Variants in ESRRG observed in about 807,000 individuals in gnomAD.
ESRRG encodes estrogen related receptor gamma, also known as estrogen-related receptor gamma.
A neutral mutation model predicts 44.0 loss-of-function variants in ESRRG; 13 were observed. The observed-to-expected ratio is 0.30, with a 90% CI of 0.19 to 0.47. The LOEUF (loss-of-function observed/expected upper bound fraction) is 0.47, where lower values mean the gene tolerates loss of function less well. ESRRG is among the 20% of genes least tolerant of loss of function. ESRRG has a pLI of 1.00. For missense variants in ESRRG, 395 were observed against 580.6 expected (o/e 0.68, Z 3.29); for synonymous variants, 215 against 214.6 (o/e 1.00, Z -0.02).
chr1:217,060,422 T>A (rs1243193035), intron 1 of ESRRG, among the ~76,000 whole-genome samples: 2 of 152,120 alleles, frequency 1.3e-5, no homozygotes, highest in African/African-American at 4.8e-5. Context: ...AAAGATTTCA[T>A]GAGTCCAGCA....
intron 3 of ESRRG, among the ~76,000 whole-genome samples, chr1:216,576,870 C>T (rs541610540): frequency 2.7e-4 from 13 of 47,700 alleles, no homozygotes; most frequent in African/African-American, 1.1e-3. Flanking sequence ...CTTCTGTCTG[C>T]AATTCTGACA....
chr1:216,831,438 G>A (rs574661364), intron 2 of ESRRG, among the ~76,000 whole-genome samples: 33 of 150,120 alleles, frequency 2.2e-4, no homozygotes, highest in Non-Finnish European at 3.7e-4. Flanking sequence ...GAGCTCTGAG[G>A]AAAACAAGGG....
intron 1 of ESRRG, among the ~76,000 whole-genome samples, chr1:216,994,744 G>A (rs2076163857): frequency 6.8e-6 from 1 of 146,804 alleles, no homozygotes; most frequent in African/African-American, 2.5e-5. Context: ...ACCACGCCCG[G>A]CTAATTTTTT....
chr1:216,951,419 T>C (rs554797761), intron 1 of ESRRG, among the ~76,000 whole-genome samples: 2 of 152,264 alleles, frequency 1.3e-5, no homozygotes, highest in South Asian at 4.1e-4. Flanking sequence ...AAGGCAGTGA[T>C]ATATATTTAA....
intron 1 of ESRRG, among the ~76,000 whole-genome samples, chr1:217,095,107 G>A (rs1418897472): frequency 6.6e-6 from 1 of 152,136 alleles, no homozygotes; most frequent in African/African-American, 2.4e-5. Context: ...AAGGGTGCAT[G>A]ACTCCAGAAA....
At chr1:216,926,407 C>A (rs1169240078) in intron 2 of ESRRG, among the ~76,000 whole-genome samples, 1 of 132,262 alleles carries the variant, frequency 7.6e-6, no homozygotes, top group African/African-American at 2.8e-5. Flanking sequence ...ACTGATAACA[C>A]CTATGAAAAA....
At chr1:216,688,323 G>T (rs146246587) in intron 1 of ESRRG, among the ~76,000 whole-genome samples, 8 of 152,120 alleles carry the variant, frequency 5.3e-5, no homozygotes, top group African/African-American at 1.9e-4. Context: ...ATTTATACCC[G>T]TCTATCAAGT....
chr1:216,697,925 T>C (rs531138210), intron 1 of ESRRG, among the ~76,000 whole-genome samples: 239 of 152,288 alleles, frequency 1.6e-3, no homozygotes, highest in African/African-American at 5.7e-3. Flanking sequence ...CCAAGAGCCA[T>C]GGAAACTTCT....
intron 2 of ESRRG, among the ~76,000 whole-genome samples, chr1:216,772,793 AC>A (rs1313931066): frequency 1.3e-5 from 2 of 151,804 alleles, no homozygotes; most frequent in Non-Finnish European, 2.9e-5. Flanking sequence ...CTGTCAGATT[AC>A]CCAAAGAGAG....
intron 1 of ESRRG, chr1:216,707,284 G>C: frequency 6.7e-7 from 1 of 1,482,084 alleles, no homozygotes; most frequent in South Asian, 1.2e-5. Flanking sequence ...CCATATACAA[G>C]TAACGTTGAG....
At chr1:216,737,994 A>C (rs921356848) in intron 2 of ESRRG, among the ~76,000 whole-genome samples, 5 of 119,338 alleles carry the variant, frequency 4.2e-5, no homozygotes, top group African/African-American at 1.2e-4. Context: ...ATGAGACATC[A>C]CTTTTTTTTT....
chr1:216,642,438 C>T (rs6700952), intron 3 of ESRRG, among the ~76,000 whole-genome samples: 73 of 151,922 alleles, frequency 4.8e-4, no homozygotes, highest in African/African-American at 1.7e-3. Flanking sequence ...ATGCAGTATC[C>T]GCACATAAAA....
intron 1 of ESRRG, among the ~76,000 whole-genome samples, chr1:217,054,047 T>G (rs1580154262): frequency 6.8e-6 from 1 of 147,720 alleles, no homozygotes; most frequent in South Asian, 2.1e-4. Context: ...AAAAAAAGCC[T>G]CACTGGAATG....
intron 2 of ESRRG, among the ~76,000 whole-genome samples, chr1:216,835,916 A>G (rs976634198): frequency 6.6e-6 from 1 of 152,148 alleles, no homozygotes; most frequent in Non-Finnish European, 1.5e-5. Context: ...TCTACTTTTT[A>G]TTCCATTGTT....
At chr1:216,572,331 A>T (rs922637084) in intron 3 of ESRRG, among the ~76,000 whole-genome samples, 3 of 152,094 alleles carry the variant, frequency 2.0e-5, no homozygotes, top group Non-Finnish European at 4.4e-5. Flanking sequence ...AAAAACCTAC[A>T]AACAAGGGAC....
At position 216,697,894 on chromosome 1, in the gene ESRRG, T is replaced by C. The variant is rs375640758; in HGVS notation, c.57-20403A>G. 3.3e-5 allele frequency among the ~76,000 whole-genome samples: 5 copies of C among 152,266 alleles called. No individual in the cohort carries two copies. The East Asian group carries it at 5.8e-4, about 18-fold the overall frequency. The stretch of plus-strand genomic sequence containing the variant: ...CTTCTGGAAATAAAAATGACTACTA[T>C]GAATAAAGGCATAGTCTCAACCAAG... On this transcript the variant is annotated intron_variant, in intron 1 of 6. Transcript: ENST00000408911.
intron 3 of ESRRG, among the ~76,000 whole-genome samples, chr1:216,641,356 G>T (rs914140875): frequency 1.3e-5 from 2 of 152,208 alleles, no homozygotes; most frequent in East Asian, 3.8e-4. Context: ...CAAGGAGTAT[G>T]TGATAGTCTT....
chr1:216,736,522 T>C (rs752745603), intron 2 of ESRRG, among the ~76,000 whole-genome samples: 5 of 152,128 alleles, frequency 3.3e-5, no homozygotes, highest in Non-Finnish European at 5.9e-5. Context: ...TCCCCTCAAG[T>C]TGACGTCACA....
intron 1 of ESRRG, among the ~76,000 whole-genome samples, chr1:217,033,717 T>C (rs966759023): frequency 2.4e-4 from 36 of 152,318 alleles, no homozygotes; most frequent in African/African-American, 8.7e-4. Flanking sequence ...AGAGGCATAG[T>C]TACCAGTTAG....
Sources: allele counts gnomAD v4.1 joint callset (sites outside exome capture counted in the v4.1 genomes callset), GRCh38; gene constraint gnomAD v4.1.1; transcripts MANE v1.5; gene names NCBI Gene and HGNC (gene_info 2026-07-23, HGNC 2026-07-21).